The following CUX2 variants were observed in gnomAD, a reference collection of about 807,000 sequenced individuals.
The protein encoded by CUX2 is cut like homeobox 2, also known as homeobox protein cut-like 2.
In CUX2, 40 loss-of-function variants were observed where a neutral mutation model predicts 144.8. That is an observed-to-expected ratio of 0.28 (90% confidence interval 0.21 to 0.36). The LOEUF (loss-of-function observed/expected upper bound fraction) is 0.36, where lower values mean the gene tolerates loss of function less well. Ranked by LOEUF, CUX2 falls within the 10% of genes least tolerant of loss-of-function variation. The pLI, the probability that CUX2 is intolerant of heterozygous loss-of-function variation, is 1.00. For synonymous variants in CUX2, 827 were observed against 875.6 expected (o/e 0.94, Z 0.98); for missense variants, 1,615 against 1,994.0 (o/e 0.81, Z 3.62).
At chr12:111,047,362 T>A (rs911292669) in intron 1 of CUX2, among the ~76,000 whole-genome samples, 9 of 152,268 alleles carry the variant, frequency 5.9e-5, no homozygotes, top group South Asian at 2.1e-4. Context: ...ATTTTTTTTT[T>A]AAAGCCAAGT....
intron 9 of CUX2, 43 bp downstream of exon 9, chr12:111,298,632 T>C (rs1341208804): frequency 1.2e-5 from 19 of 1,538,168 alleles, no homozygotes; most frequent in Non-Finnish European, 1.6e-5. Context: ...AGAGGCTCCC[T>C]CTGCCTGGGG....
intron 4 of CUX2, among the ~76,000 whole-genome samples, chr12:111,273,268 T>A (rs1344036593): frequency 6.6e-6 from 1 of 152,138 alleles, no homozygotes; most frequent in Admixed American, 6.5e-5. Context: ...TGTCAGGCAG[T>A]GTGTTCGGCC....
chr12:111,145,692 C>A (rs1017966941), intron 1 of CUX2, among the ~76,000 whole-genome samples: 1 of 151,378 alleles, frequency 6.6e-6, no homozygotes, highest in Non-Finnish European at 1.5e-5. Flanking sequence ...TTTGAGACTC[C>A]ATCTTGCTCT....
intron 6 of CUX2, among the ~76,000 whole-genome samples, chr12:111,294,844 G>C (rs995746828): frequency 6.6e-6 from 1 of 152,044 alleles, no homozygotes; most frequent in African/African-American, 2.4e-5. Flanking sequence ...GTTGCAGTGA[G>C]CCGAGTTCGG....
At chr12:111,311,875 G>A (rs1262911158) in intron 15 of CUX2, among the ~76,000 whole-genome samples, 4 of 152,156 alleles carry the variant, frequency 2.6e-5, no homozygotes, top group African/African-American at 9.7e-5. Context: ...TGGGATTACA[G>A]GCATGAGCCA....
Position 111,120,671 on chromosome 12 carries a change from G to GA in CUX2, c.63+86445dup, listed in dbSNP as rs112911297. On this transcript the variant is annotated intron_variant, in intron 1 of 21. Coordinates refer to ENST00000261726, the MANE Select transcript of CUX2 (RefSeq NM_015267.4). The stretch of plus-strand genomic sequence containing the variant: ...GAATAAGGAAGGGAGTAACCACAAG[G>GA]AAAAAAAAAAAAAAGGCAACAAAAA... Among the ~76,000 whole-genome samples the GA allele has an allele frequency of 8.3e-3, 1,026 of 124,314 alleles. 5 individuals carry two copies. Among genetic ancestry groups the GA allele is most frequent in the South Asian group, 0.021 (82 of 3,914 alleles). 81.6% of individuals were successfully genotyped at this position (124,314 alleles called of 152,430 possible).
chr12:111,228,755 G>GA lies in CUX2; in HGVS notation c.222+10827dup, dbSNP rs1010121757. ...ACTATGTTTTTTATTGCATTTGGTT[G>GA]AAAAAAAAATTCTGTGTGTCAGCAG... On this transcript the variant is annotated intron_variant, in intron 3 of 21. Transcript: ENST00000261726. Among the ~76,000 whole-genome samples, 5 of 151,414 alleles carry GA rather than the reference G, an allele frequency of 3.3e-5. No individual in the cohort carries two copies. In the East Asian group the frequency reaches 5.8e-4, roughly 18 times the overall value.
At position 111,078,433 on chromosome 12, in the gene CUX2, G is replaced by A. The variant is rs1219805953; in HGVS notation, c.63+44193G>A. 3.9e-5 allele frequency among the ~76,000 whole-genome samples: 6 copies of A among 152,264 alleles called. No individual in the cohort carries two copies. The East Asian group carries it at 1.2e-3, about 29-fold the overall frequency. On this transcript the variant is annotated intron_variant, in intron 1 of 21. Coordinates refer to ENST00000261726, the MANE Select transcript of CUX2 (RefSeq NM_015267.4). ...TATAATCCCAGAACTTTGGGAGGCT[G>A]AGGCAGGAGGCTCACTTGAAGTCAG... is the stretch of plus-strand genomic sequence containing the variant.
rs781228138 is a variant in CUX2 at position 111,189,545 on chromosome 12, G to A, written c.64-24655G>A. On this transcript the variant is annotated intron_variant, in intron 1 of 21. Transcript: ENST00000261726. ...GTTGATTCATGCTCGTGGCCACACC[G>A]TAGTATTCCATTGGGTGAGTAGATC... is the stretch of plus-strand genomic sequence containing the variant. Among the ~76,000 whole-genome samples the A allele has an allele frequency of 7.2e-5, 11 of 152,228 alleles. 1 individual carries two copies. Among genetic ancestry groups the A allele is most frequent in the Admixed American group, 1.3e-4 (2 of 15,282 alleles).
Position 111,304,344 on chromosome 12 carries a change from G to T in CUX2, c.858+30G>T. On this transcript the variant is annotated intron_variant, in intron 10 of 21. Transcript: ENST00000261726. This position sits in a 1 kb window ranked among gnomAD's most constrained non-coding sequence, Gnocchi z 4.7. ...GGATGGGGTTGGGGAAGTGAGCAGG[G>T]AGGGCAGAGGGAAAGATCGGGAATG... The T allele has an allele frequency of 6.4e-7, 1 of 1,568,652 alleles. No individual in the cohort carries two copies.
chr12:111,190,783 C>A lies in CUX2; in HGVS notation c.64-23417C>A, dbSNP rs182220556. On this transcript the variant is annotated intron_variant, in intron 1 of 21. Coordinates refer to ENST00000261726, the MANE Select transcript of CUX2 (RefSeq NM_015267.4). The surrounding 1 kb of genome is among the most constrained non-coding windows in gnomAD (Gnocchi z 4.0). ...ATTCTTGATCAGTGAAGATCTCTCA[C>A]TGTTGGGTCTGCTGCTACCCCAAAG... Among the ~76,000 whole-genome samples, 7 of 151,862 alleles carry A rather than the reference C, an allele frequency of 4.6e-5. No individual in the cohort carries two copies. In the East Asian group the frequency reaches 1.4e-3, roughly 30 times the overall value.
At chr12:111,091,778 C>CT (rs1402496807) in intron 1 of CUX2, among the ~76,000 whole-genome samples, 1 of 152,228 alleles carries the variant, frequency 6.6e-6, no homozygotes, top group Non-Finnish European at 1.5e-5. Flanking sequence ...CCTCCCCCAG[C>CT]TTCTGGTGGC....
intron 1 of CUX2, among the ~76,000 whole-genome samples, chr12:111,177,644 A>G (rs1878936385): frequency 1.3e-5 from 2 of 152,164 alleles, no homozygotes; most frequent in Non-Finnish European, 2.9e-5. Context: ...GCCTGCCTCA[A>G]CTTCCCAAAG....
intron 18 of CUX2, among the ~76,000 whole-genome samples, chr12:111,331,412 A>G (rs1888116163): frequency 6.6e-6 from 1 of 152,098 alleles, no homozygotes. Context: ...ATGTGCTGGG[A>G]TTAGGTGTGG....
At chr12:111,105,485 C>G (rs961098815) in intron 1 of CUX2, among the ~76,000 whole-genome samples, 2 of 149,598 alleles carry the variant, frequency 1.3e-5, no homozygotes, top group African/African-American at 2.4e-5. Flanking sequence ...CTGGAAAGCT[C>G]TGTGTGTGTG....
chr12:111,285,015 C>A (rs1439979083), intron 4 of CUX2, among the ~76,000 whole-genome samples: 1 of 152,188 alleles, frequency 6.6e-6, no homozygotes, highest in Non-Finnish European at 1.5e-5. Flanking sequence ...CTTTCTCCCC[C>A]AAACCTGTGA....
chr12:111,051,780 T>A (rs776868710), intron 1 of CUX2, among the ~76,000 whole-genome samples: 4 of 152,186 alleles, frequency 2.6e-5, no homozygotes, highest in African/African-American at 4.8e-5. Flanking sequence ...GCTTTTTGTT[T>A]TCTATATCTT....
At chr12:111,141,157 G>A (rs1397715529) in intron 1 of CUX2, among the ~76,000 whole-genome samples, 1 of 151,944 alleles carries the variant, frequency 6.6e-6, no homozygotes, top group Non-Finnish European at 1.5e-5. Context: ...GATTTCTCAG[G>A]CCCTTTGAAT....
intron 20 of CUX2, 43 bp downstream of exon 20, chr12:111,338,517 A>G: frequency 6.4e-7 from 1 of 1,556,728 alleles, no homozygotes; most frequent in Non-Finnish European, 8.7e-7. Flanking sequence ...TGGGTCTCAG[A>G]TTTTCCCCAG....
Sources: allele counts gnomAD v4.1 joint callset (sites outside exome capture counted in the v4.1 genomes callset), GRCh38; gene constraint gnomAD v4.1.1; non-coding constraint Gnocchi (gnomAD v3.1); transcripts MANE v1.5; gene names NCBI Gene and HGNC (gene_info 2026-07-23, HGNC 2026-07-21).